The following CCSER1 variants were observed in gnomAD, a reference collection of about 807,000 sequenced individuals.
CCSER1 encodes the protein serine-rich coiled-coil domain-containing protein 1.
A neutral mutation model predicts 82.0 loss-of-function variants in CCSER1; 41 were observed. The ratio of observed to expected loss-of-function variants is 0.50; its 90% CI spans 0.39 to 0.65. The LOEUF is 0.65. Among genes scored for constraint, CCSER1 ranks in the 30% least tolerant of loss-of-function variants. CCSER1 has a pLI of 0.00. For synonymous variants in CCSER1, 414 were observed against 383.9 expected, an observed-to-expected ratio of 1.08 and a Z score of -0.92; for missense variants, 1,119 against 1,064.2, an observed-to-expected ratio of 1.05 and a Z score of -0.72.
intron 9 of CCSER1, among the ~76,000 whole-genome samples, chr4:91,034,252 C>G (rs1339694329): frequency 6.6e-6 from 1 of 152,174 alleles, no homozygotes; most frequent in Non-Finnish European, 1.5e-5. Context: ...GCCTTAAGTC[C>G]TATGACTTTT....
At chr4:90,616,726 CACACACACACACAAATAAAAT>C (rs1158802013) in intron 5 of CCSER1, among the ~76,000 whole-genome samples, 26 of 115,372 alleles carry the variant, frequency 2.3e-4, no homozygotes, top group African/African-American at 9.0e-4. Flanking sequence ...CACACACACA[CACACACACACACAAATAAAAT>C]AAAATAAAAG....
chr4:90,922,049 A>G (rs1334015411), intron 8 of CCSER1, among the ~76,000 whole-genome samples: 2 of 152,020 alleles, frequency 1.3e-5, no homozygotes, highest in African/African-American at 4.8e-5. Context: ...CACTCATGTA[A>G]CATCTTCCTG....
intron 7 of CCSER1, among the ~76,000 whole-genome samples, chr4:90,796,038 A>G (rs1362559572): frequency 3.3e-5 from 5 of 151,240 alleles, no homozygotes; most frequent in African/African-American, 1.2e-4. Flanking sequence ...TCTCCTTCTC[A>G]GTTATGTGGG....
intron 7 of CCSER1, among the ~76,000 whole-genome samples, chr4:90,803,571 A>G (rs2149709556): frequency 6.6e-6 from 1 of 152,248 alleles, no homozygotes; most frequent in Non-Finnish European, 1.5e-5. Context: ...ATAGTATTCC[A>G]TGGTGTATAT....
At chr4:91,296,724 C>G (rs1323465195) in intron 10 of CCSER1, among the ~76,000 whole-genome samples, 1 of 150,624 alleles carries the variant, frequency 6.6e-6, no homozygotes, top group South Asian at 2.1e-4. Flanking sequence ...CTATCCCAGA[C>G]AATTTCAATT....
At chr4:90,434,544 T>G (rs1238212761) in intron 4 of CCSER1, among the ~76,000 whole-genome samples, 1 of 152,116 alleles carries the variant, frequency 6.6e-6, no homozygotes, top group African/African-American at 2.4e-5. Context: ...TTTTAAATGA[T>G]AAGAAGCAGT....
chr4:91,009,815 G>T (rs2150499333), intron 9 of CCSER1, among the ~76,000 whole-genome samples: 1 of 152,060 alleles, frequency 6.6e-6, no homozygotes, highest in East Asian at 1.9e-4. Flanking sequence ...TTATATTTTT[G>T]ATGTCACAAT....
chr4:90,437,236 CGCACACATGCACACATACGCACACAT>C (rs1759145677), intron 4 of CCSER1, among the ~76,000 whole-genome samples: 1 of 152,074 alleles, frequency 6.6e-6, no homozygotes, highest in Non-Finnish European at 1.5e-5. Context: ...AAAACACACA[CGCACACATGCACACATACGCACACAT>C]GCACACATGC....
At position 90,628,108 on chromosome 4, in the gene CCSER1, C is replaced by T. The variant is rs755357639; in HGVS notation, c.1808C>T (p.Ala603Val). The change falls in exon 6 of 11, where the codon GCG becomes GTG. Residue 603 changes from alanine to valine, a missense_variant. Coordinates refer to ENST00000509176, the MANE Select transcript of CCSER1 (RefSeq NM_001145065.2). Reference sequence around the variant, plus strand: ...AGCCGAATGCCCAACAGTCCATCTGCGGATTGGCCTCTACAAGGTGTGGAA... The same window carrying T: ...AGCCGAATGCCCAACAGTCCATCTGTGGATTGGCCTCTACAAGGTGTGGAA... ...HISRMPNSPS[A>V]DWPLQGVEEN... is the part of the protein sequence containing the mutation. The T allele has an allele frequency of 2.6e-5, 42 of 1,613,482 alleles. No homozygotes were observed. Among genetic ancestry groups the T allele is most frequent in the Admixed American group, 6.7e-5 (4 of 59,972 alleles).
At chr4:90,536,243 A>G (rs1775340859) in intron 5 of CCSER1, among the ~76,000 whole-genome samples, 2 of 152,054 alleles carry the variant, frequency 1.3e-5, no homozygotes, top group African/African-American at 4.8e-5. Flanking sequence ...CGTGTTAGCC[A>G]GGCTGGTCAC....
chr4:90,919,426 G>A (rs1728055855), intron 8 of CCSER1, among the ~76,000 whole-genome samples: 2 of 151,720 alleles, frequency 1.3e-5, no homozygotes, highest in Admixed American at 6.6e-5. Flanking sequence ...TTTATAAAAG[G>A]AACAAAAACA....
chr4:90,833,659 A>C (rs1028111432), intron 8 of CCSER1, among the ~76,000 whole-genome samples: 1 of 152,216 alleles, frequency 6.6e-6, no homozygotes, highest in Non-Finnish European at 1.5e-5. Context: ...TTAATGAATA[A>C]ATTAATGCAT....
At chr4:91,278,439 T>C (rs1333713447) in intron 10 of CCSER1, among the ~76,000 whole-genome samples, 2 of 152,062 alleles carry the variant, frequency 1.3e-5, no homozygotes, top group South Asian at 2.1e-4. Flanking sequence ...TAATGAGCCT[T>C]TTTGTCTTGA....
chr4:91,182,941 CCAGGTAATG>C (rs1307834291), intron 10 of CCSER1, among the ~76,000 whole-genome samples: 1 of 152,206 alleles, frequency 6.6e-6, no homozygotes, highest in African/African-American at 2.4e-5. Flanking sequence ...TAGCTTCTTT[CCAGGTAATG>C]CTGTATCTGT....
At chr4:90,690,849 A>T (rs1355991) in intron 6 of CCSER1, among the ~76,000 whole-genome samples, 121,068 of 151,954 alleles carry the variant, frequency 0.8, 48,444 homozygotes, top group Middle Eastern at 0.85. Flanking sequence ...TAGACCATGA[A>T]CCCAGAATAC....
chr4:91,014,746 G>T (rs138242307), intron 9 of CCSER1, among the ~76,000 whole-genome samples: 1 of 152,074 alleles, frequency 6.6e-6, no homozygotes, highest in Non-Finnish European at 1.5e-5. Flanking sequence ...AGATTATTAA[G>T]AATCAAATAT....
intron 9 of CCSER1, among the ~76,000 whole-genome samples, chr4:90,926,413 G>A (rs1729070034): frequency 6.6e-6 from 1 of 151,892 alleles, no homozygotes; most frequent in South Asian, 2.1e-4. Context: ...CAGAATATAT[G>A]ATACTACATG....
chr4:90,888,803 C>T (rs1722532577), intron 8 of CCSER1, among the ~76,000 whole-genome samples: 2 of 152,100 alleles, frequency 1.3e-5, no homozygotes, highest in South Asian at 4.1e-4. Context: ...TACAGGGTCA[C>T]TTGATGTTAC....
At chr4:91,495,228 T>C (rs1004718379) in intron 10 of CCSER1, among the ~76,000 whole-genome samples, 1 of 151,748 alleles carries the variant, frequency 6.6e-6, no homozygotes, top group Non-Finnish European at 1.5e-5. Flanking sequence ...AGTCATTAAG[T>C]ATGTCATTAG....
Sources: gnomAD v4.1 joint callset for allele counts (sites outside exome capture counted in the v4.1 genomes callset) on GRCh38, gnomAD v4.1.1 for gene constraint, MANE v1.5 for transcripts, NCBI Gene and HGNC (gene_info 2026-07-23, HGNC 2026-07-21) for gene names.